Variants in CFAP298 observed in about 807,000 individuals in gnomAD.
The protein encoded by CFAP298 is cilia and flagella associated protein 298.
Under a neutral mutation model 41.0 loss-of-function variants are expected in CFAP298, and 38 were observed. The observed-to-expected ratio is 0.93, with a 90% CI of 0.72 to 1.22. The LOEUF (loss-of-function observed/expected upper bound fraction) is 1.22. Among genes scored for constraint, CFAP298 ranks in the 50% most tolerant of loss-of-function variants. CFAP298 has a pLI of 0.00. For missense variants in CFAP298, 348 were observed against 360.3 expected (o/e 0.97, Z 0.28); for synonymous variants, 137 against 135.3 (o/e 1.01, Z -0.09).
rs1160463403 is a variant in CFAP298 at position 32,601,144 on chromosome 21, AG to A, written c.*718del. The stretch of plus-strand genomic sequence containing the variant: ...CAAGGCTGGGAGTTCAGCTTCCAAT[AG>A]ATCTAGAGGGCCAGGAGAAAAAGCA... On this transcript the variant is annotated 3_prime_UTR_variant, in exon 7 of 7. Coordinates refer to ENST00000290155, the MANE Select transcript of CFAP298 (RefSeq NM_021254.4). 1.3e-5 allele frequency among the ~76,000 whole-genome samples: 2 copies of A among 152,150 alleles called. No homozygotes were observed. Among genetic ancestry groups the A allele is most frequent in the African/African-American group, 4.8e-5 (2 of 41,400 alleles).
rs1218867376 is a variant in CFAP298 at position 32,612,253 on chromosome 21, G to C, written c.-10C>G. 4 of 1,596,226 alleles carry C rather than the reference G, an allele frequency of 2.5e-6. No homozygotes were observed. Among genetic ancestry groups the C allele is most frequent in the Non-Finnish European group, 3.4e-6 (4 of 1,169,824 alleles). On this transcript the variant is annotated 5_prime_UTR_variant, in exon 1 of 7. Coordinates refer to ENST00000290155, the MANE Select transcript of CFAP298 (RefSeq NM_021254.4). The stretch of plus-strand genomic sequence containing the variant: ...CGTGCAGCAGAACCATGGCGGTCCC[G>C]CCGAGGTACTGAGGCGTTGAGAAGG...
At chr21:32,606,707 G>A (rs2038873808) in intron 3 of CFAP298, among the ~76,000 whole-genome samples, 2 of 152,196 alleles carry the variant, frequency 1.3e-5, no homozygotes, top group Admixed American at 1.3e-4. Context: ...GTTCTGCTGA[G>A]CAAACCAGGA....
In CFAP298 at chr21:32,601,897, T is replaced by C. The variant is rs778231517; in HGVS notation, c.839A>G (p.His280Arg). ...ADNTALKRHFHGVKDIKWRPR is the reference protein window; with the variant it reads ...ADNTALKRHFRGVKDIKWRPR The stretch of plus-strand genomic sequence containing the variant: ...TCTCCACTTTATGTCTTTCACTCCA[T>C]GAAAATGTCTTTTCAAAGCAGTGTT... The change falls in exon 7 of 7, where the codon CAT becomes CGT. Residue 280 changes from histidine to arginine, a missense_variant. Coordinates refer to ENST00000290155, the MANE Select transcript of CFAP298 (RefSeq NM_021254.4). 10 of 1,612,588 alleles carry C rather than the reference T, an allele frequency of 6.2e-6. No homozygotes were observed. Among genetic ancestry groups the C allele is most frequent in the East Asian group, 2.2e-5 (1 of 44,868 alleles).
At chr21:32,604,506 T>C (rs1490821101) in intron 3 of CFAP298, 7 of 541,086 alleles carry the variant, frequency 1.3e-5, no homozygotes, top group South Asian at 2.2e-5. Flanking sequence ...TGGAGTACAA[T>C]GAAGTGCAAA....
At chr21:32,609,538 G>A (rs1405561790) in intron 2 of CFAP298, among the ~76,000 whole-genome samples, 1 of 152,216 alleles carries the variant, frequency 6.6e-6, no homozygotes, top group Non-Finnish European at 1.5e-5. Flanking sequence ...GCCGAGACCG[G>A]CAGATCATCT....
At chr21:32,612,019 T>C in intron 1 of CFAP298, 86 bp downstream of exon 1, 2 of 1,406,626 alleles carry the variant, frequency 1.4e-6, no homozygotes. Flanking sequence ...TTCACAAACC[T>C]GACCCCTCGG....
chr21:32,603,431 C>CT (rs2038799288), intron 4 of CFAP298, 139 bp from the exon 5 acceptor site: 1 of 809,426 alleles, frequency 1.2e-6, no homozygotes, highest in African/African-American at 1.7e-5. Flanking sequence ...GCACCTCACT[C>CT]TAAGTCCTTG....
chr21:32,604,131 T>A lies in CFAP298; in HGVS notation c.528A>T (p.Gly176=), dbSNP rs1301408044. ...CCACTCACAAACTACGTACCTGTGT[T>A]CCCGACAAGTCTTCCTTATTTTCAA... ...MEFENKEDLS[G]TQAGLNVIKE... is the part of the protein sequence containing the mutation. The change falls in exon 4 of 7, where the codon GGA becomes GGT. Residue 176 remains glycine, a synonymous_variant. Coordinates refer to ENST00000290155, the MANE Select transcript of CFAP298 (RefSeq NM_021254.4). The A allele has an allele frequency of 1.2e-6, 2 of 1,613,662 alleles. No individual in the cohort carries two copies. The highest frequency in any genetic ancestry group is 1.7e-6 in the Non-Finnish European group (2 of 1,179,894).
rs1411113644 is a variant in CFAP298 at position 32,602,164 on chromosome 21, C to G, written c.762+108G>C. 8.0e-6 allele frequency: 9 copies of G among 1,125,548 alleles called. No homozygotes were observed. In the East Asian group the frequency reaches 9.4e-5, roughly 12 times the overall value. 69.7% of individuals were successfully genotyped at this position (1,125,548 alleles called of 1,614,324 possible). On this transcript the variant is annotated intron_variant, in intron 6 of 6. Coordinates refer to ENST00000290155, the MANE Select transcript of CFAP298 (RefSeq NM_021254.4). ...CTGCAGACAGAAGCTCTAGAAAGAC[C>G]CCTCCCCGGCATTCTGCAGAGCTCA...
rs972412620 is a variant in CFAP298 at position 32,600,925 on chromosome 21, T to C, written c.*938A>G. On this transcript the variant is annotated 3_prime_UTR_variant, in exon 7 of 7. Coordinates refer to ENST00000290155, the MANE Select transcript of CFAP298 (RefSeq NM_021254.4). The stretch of plus-strand genomic sequence containing the variant: ...GTTTGCTACTCAACCTTCATCATGG[T>C]TGTAGCTTTCGCTCCCAGAATACAA... Among the ~76,000 whole-genome samples, 1 of 152,256 alleles carries C rather than the reference T, an allele frequency of 6.6e-6. No homozygotes were observed. Among genetic ancestry groups the C allele is most frequent in the Non-Finnish European group, 1.5e-5 (1 of 68,048 alleles).
rs111702591 is a variant in CFAP298, at chr21:32,602,236, G to C, written c.762+36C>G. The C allele has an allele frequency of 4.5e-4, 710 of 1,591,272 alleles. 6 individuals carry two copies. The African/African-American group carries it at 7.8e-3, about 17-fold the overall frequency. ...TAAGGCACACAGGCTATGTGTGGGC[G>C]CCAGCACTGCAGAAAGCCCATCTGT... is the stretch of plus-strand genomic sequence containing the variant. On this transcript the variant is annotated intron_variant, in intron 6 of 6. Transcript: ENST00000290155.
intron 3 of CFAP298, among the ~76,000 whole-genome samples, chr21:32,606,646 A>G (rs1351627947): frequency 1.3e-5 from 2 of 152,244 alleles, no homozygotes; most frequent in Non-Finnish European, 2.9e-5. Flanking sequence ...GGCTCTTCAA[A>G]GATTAGTCAA....
intron 3 of CFAP298, among the ~76,000 whole-genome samples, chr21:32,607,179 T>G (rs1190804372): frequency 6.6e-6 from 1 of 152,132 alleles, no homozygotes; most frequent in Non-Finnish European, 1.5e-5. Context: ...ACCGTCAGGA[T>G]TATGAAAGGA....
Position 32,612,352 on chromosome 21 carries a change from C to T in CFAP298, c.-109G>A, listed in dbSNP as rs2039023417. The T allele has an allele frequency of 6.9e-7, 1 of 1,439,638 alleles. No homozygotes were observed. Among genetic ancestry groups the T allele is most frequent in the Non-Finnish European group, 9.1e-7 (1 of 1,098,330 alleles). The allele number at this position is 1,439,638 out of a possible 1,614,324, so 89.2% of individuals were successfully genotyped here. On this transcript the variant is annotated 5_prime_UTR_variant, in exon 1 of 7. Transcript: ENST00000290155. ...GCCAGCAGCTGCGACGCACTAACAGCCGCTCACAGTCCGGAATCCCACGCT... is the reference window on the plus strand; with the variant it reads ...GCCAGCAGCTGCGACGCACTAACAGTCGCTCACAGTCCGGAATCCCACGCT...
chr21:32,610,044 C>T (rs2038955756), intron 1 of CFAP298, 39 bp from the exon 2 acceptor site: 1 of 1,551,916 alleles, frequency 6.4e-7, no homozygotes, highest in African/African-American at 1.4e-5. Flanking sequence ...AATCATAACA[C>T]CTCATACCCC....
intron 1 of CFAP298, among the ~76,000 whole-genome samples, chr21:32,610,292 T>C (rs1477313274): frequency 6.6e-6 from 1 of 152,208 alleles, no homozygotes; most frequent in African/African-American, 2.4e-5. Context: ...CTCAGCTCAC[T>C]GCAGCATTGC....
intron 5 of CFAP298, chr21:32,602,677 A>G (rs914428116): frequency 9.5e-6 from 12 of 1,259,428 alleles, no homozygotes; most frequent in Admixed American, 4.0e-5. Flanking sequence ...CTGGATCTAC[A>G]TAAGGTGGAG....
At chr21:32,603,039 C>T (rs747933915) in intron 5 of CFAP298, 122 bp downstream of exon 5, 25 of 1,337,788 alleles carry the variant, frequency 1.9e-5, no homozygotes, top group East Asian at 2.3e-5. Context: ...AGTTTAAACC[C>T]GAGCCAATAA....
chr21:32,605,509 G>A (rs1368518327), intron 3 of CFAP298, among the ~76,000 whole-genome samples: 1 of 152,218 alleles, frequency 6.6e-6, no homozygotes, highest in African/African-American at 2.4e-5. Flanking sequence ...AGGCGCTAGA[G>A]GTTGGGATCA....
Sources: allele counts gnomAD v4.1 joint callset (sites outside exome capture counted in the v4.1 genomes callset), GRCh38; gene constraint gnomAD v4.1.1; transcripts MANE v1.5; gene names NCBI Gene and HGNC (gene_info 2026-07-23, HGNC 2026-07-21).